IL1RAPL2: variants seen among roughly 807,000 people sequenced by gnomAD.
The protein encoded by IL1RAPL2 is interleukin 1 receptor accessory protein like 2.
IL1RAPL2 carries 3 observed loss-of-function variants against 44.1 expected under a neutral mutation model. The observed-to-expected ratio is 0.07, with a 90% CI of 0.03 to 0.18. The LOEUF is 0.18. Ranked by LOEUF, IL1RAPL2 falls within the 10% of genes least tolerant of loss-of-function variation. The probability of loss-of-function intolerance (pLI) is 1.00; values close to 1 mark genes in which losing one functional copy is unlikely to be tolerated. For missense variants in IL1RAPL2, 391 were observed against 496.4 expected, an observed-to-expected ratio of 0.79 and a Z score of 2.02; for synonymous variants, 181 against 178.8, an observed-to-expected ratio of 1.01 and a Z score of -0.10.
chrX:105,176,021 G>A (rs190777795), intron 2 of IL1RAPL2, among the ~76,000 whole-genome samples: 23 of 110,422 alleles, frequency 2.1e-4, no homozygotes, highest in African/African-American at 7.2e-4. Context: ...AATAATAATG[G>A]GTGCAGAGTA....
chrX:105,331,464 G>A (rs1446426235), intron 5 of IL1RAPL2, among the ~76,000 whole-genome samples: 1 of 111,386 alleles, frequency 9.0e-6, no homozygotes, highest in Non-Finnish European at 1.9e-5. Context: ...TTCAGATTTC[G>A]TTACCATGAA....
intron 5 of IL1RAPL2, among the ~76,000 whole-genome samples, chrX:105,325,208 T>G (rs1448952089): frequency 9.0e-6 from 1 of 110,751 alleles, no homozygotes; most frequent in African/African-American, 3.3e-5. Flanking sequence ...GTAACTCACA[T>G]TTTTTCAGCC....
chrX:104,963,282 A>T (rs1245592105), intron 2 of IL1RAPL2, among the ~76,000 whole-genome samples: 1 of 112,171 alleles, frequency 8.9e-6, no homozygotes, highest in Non-Finnish European at 1.9e-5. Flanking sequence ...GAAAAATTTG[A>T]ATAGTCTTAA....
At chrX:105,241,355 A>G (rs781895634) in intron 4 of IL1RAPL2, among the ~76,000 whole-genome samples, 17 of 112,058 alleles carry the variant, frequency 1.5e-4, no homozygotes, top group African/African-American at 5.5e-4. Context: ...TTACTCATTG[A>G]TAGAGGAAAG....
At chrX:104,620,768 A>G (rs1192153104) in intron 1 of IL1RAPL2, among the ~76,000 whole-genome samples, 1 of 102,421 alleles carries the variant, frequency 9.8e-6, no homozygotes, top group Non-Finnish European at 2.0e-5. Flanking sequence ...TGGCTCTTGG[A>G]CTGTGCTTAT....
chrX:105,477,280 G>T (rs2036204055), intron 5 of IL1RAPL2, among the ~76,000 whole-genome samples: 1 of 111,353 alleles, frequency 9.0e-6, no homozygotes, highest in Non-Finnish European at 1.9e-5. Flanking sequence ...CTTTTTCCTG[G>T]ATAATCATCT....
rs1489970109 is a variant in IL1RAPL2, at chrX:104,789,848, C to T, written c.82+130853C>T. The stretch of plus-strand genomic sequence containing the variant: ...ATATGGCCAAGAGGGGTTGTATTTG[C>T]AAGGCCATCCCCTTAAGAGCTGAGG... On this transcript the variant is annotated intron_variant, in intron 2 of 10. Transcript: ENST00000372582. Among the ~76,000 whole-genome samples the T allele has an allele frequency of 2.7e-5, 3 of 112,481 alleles. No homozygotes were observed. The South Asian group carries it at 1.1e-3, about 41-fold the overall frequency.
At chrX:105,066,786 C>T (rs958408537) in intron 2 of IL1RAPL2, among the ~76,000 whole-genome samples, 2 of 111,771 alleles carry the variant, frequency 1.8e-5, no homozygotes, top group Non-Finnish European at 3.8e-5. Context: ...AGGAATATTA[C>T]AGTGAACTTT....
chrX:105,620,732 A>T (rs1441661769), intron 6 of IL1RAPL2, among the ~76,000 whole-genome samples: 1 of 110,714 alleles, frequency 9.0e-6, no homozygotes, highest in African/African-American at 3.3e-5. Context: ...ATAACATTAA[A>T]AATGATTGGT....
At chrX:105,664,833 T>C (rs1340474888) in intron 6 of IL1RAPL2, among the ~76,000 whole-genome samples, 1 of 111,859 alleles carries the variant, frequency 8.9e-6, no homozygotes, top group Non-Finnish European at 1.9e-5. Context: ...AAAGATGCTG[T>C]CTTTGTTATA....
intron 2 of IL1RAPL2, among the ~76,000 whole-genome samples, chrX:104,931,136 A>G (rs1320027381): frequency 9.0e-6 from 1 of 110,762 alleles, no homozygotes; most frequent in African/African-American, 3.3e-5. Flanking sequence ...GGGATTAAAA[A>G]TGGTGGGAAT....
chrX:105,006,612 T>C (rs1056611893), intron 2 of IL1RAPL2, among the ~76,000 whole-genome samples: 19 of 110,464 alleles, frequency 1.7e-4, no homozygotes, highest in African/African-American at 6.0e-4. Context: ...AGAAATCAAA[T>C]GGTAAGTCTC....
chrX:104,983,612 ATATTATAT>A (rs1369658384), intron 2 of IL1RAPL2, among the ~76,000 whole-genome samples: 52 of 92,797 alleles, frequency 5.6e-4, no homozygotes, highest in South Asian at 8.9e-4. Context: ...ATAATATATA[ATATTATAT>A]TATATGCATA....
rs190587969 is a variant in IL1RAPL2, at chrX:104,576,948, A to G, written c.-20+9897A>G. ...TGCTAGGAAGACCTTTTACATGTACATATTCAGCTTTCTTTCCCATCTGTT... is the reference window on the plus strand; with the variant it reads ...TGCTAGGAAGACCTTTTACATGTACGTATTCAGCTTTCTTTCCCATCTGTT... On this transcript the variant is annotated intron_variant, in intron 1 of 10. Transcript: ENST00000372582. Among the ~76,000 whole-genome samples, 81 of 112,057 alleles carry G rather than the reference A, an allele frequency of 7.2e-4. 1 individual carries two copies. Among genetic ancestry groups the G allele is most frequent in the Middle Eastern group, 9.2e-3 (2 of 218 alleles).
intron 2 of IL1RAPL2, among the ~76,000 whole-genome samples, chrX:104,909,924 G>T (rs1014056270): frequency 3.6e-5 from 4 of 112,389 alleles, no homozygotes; most frequent in Non-Finnish European, 5.6e-5. Flanking sequence ...AAGCAAGCCT[G>T]GGTAATGGTG....
intron 5 of IL1RAPL2, among the ~76,000 whole-genome samples, chrX:105,401,723 C>CT (rs1202203531): frequency 1.4e-4 from 15 of 110,361 alleles, no homozygotes; most frequent in Non-Finnish European, 2.5e-4. Flanking sequence ...AAAAGAAAGA[C>CT]TTTGGCCAAG....
intron 2 of IL1RAPL2, among the ~76,000 whole-genome samples, chrX:104,977,918 T>C (rs779342577): frequency 8.9e-6 from 1 of 112,230 alleles, no homozygotes; most frequent in African/African-American, 3.2e-5. Flanking sequence ...CATTGGCTTG[T>C]TGCCATGGAA....
intron 4 of IL1RAPL2, among the ~76,000 whole-genome samples, chrX:105,263,592 G>C: frequency 9.0e-6 from 1 of 111,683 alleles, no homozygotes; most frequent in Non-Finnish European, 1.9e-5. Flanking sequence ...AGGGTTCTTA[G>C]TAAACAGATA....
chrX:104,923,313 T>C (rs1924692404), intron 2 of IL1RAPL2, among the ~76,000 whole-genome samples: 1 of 111,795 alleles, frequency 8.9e-6, no homozygotes, highest in Admixed American at 9.5e-5. Context: ...ATAGAACACC[T>C]GACAGACACT....
Sources: allele counts gnomAD v4.1 joint callset (sites outside exome capture counted in the v4.1 genomes callset), GRCh38; gene constraint gnomAD v4.1.1; transcripts MANE v1.5; gene names NCBI Gene and HGNC (gene_info 2026-07-23, HGNC 2026-07-21).